Variants in MALRD1 observed in about 807,000 individuals in gnomAD.
MALRD1 encodes MAM and LDL-receptor class A domain-containing protein 1.
MALRD1 carries 247 observed loss-of-function variants against 242.1 expected under a neutral mutation model. The ratio of observed to expected loss-of-function variants is 1.02; its 90% confidence interval spans 0.92 to 1.13. The LOEUF is 1.13. Ranked by LOEUF, MALRD1 falls within the 50% of genes most tolerant of loss-of-function variation. MALRD1 has a pLI of 0.00. For missense variants in MALRD1, 2,989 were observed against 2,533.1 expected (o/e 1.18, Z -3.86); for synonymous variants, 995 against 866.6 (o/e 1.15, Z -2.60).
chr10:19,562,356 G>T (rs1051685107), intron 32 of MALRD1, among the ~76,000 whole-genome samples: 4 of 151,654 alleles, frequency 2.6e-5, no homozygotes, highest in Non-Finnish European at 5.9e-5. Context: ...TAGATAGATA[G>T]ATATCTAGAT....
At chr10:19,396,701 A>C (rs1846597633) in intron 28 of MALRD1, among the ~76,000 whole-genome samples, 1 of 152,148 alleles carries the variant, frequency 6.6e-6, no homozygotes, top group South Asian at 2.1e-4. Flanking sequence ...TGTCCCTCAA[A>C]GTTTTCCAGT....
chr10:19,266,978 T>G (rs1456632848), intron 19 of MALRD1, among the ~76,000 whole-genome samples: 1 of 152,054 alleles, frequency 6.6e-6, no homozygotes, highest in Non-Finnish European at 1.5e-5. Flanking sequence ...AAGGAAGTAT[T>G]TGCTTTTCAT....
intron 28 of MALRD1, among the ~76,000 whole-genome samples, chr10:19,443,902 T>A (rs1272508629): frequency 1.3e-5 from 2 of 152,200 alleles, no homozygotes; most frequent in Non-Finnish European, 2.9e-5. Context: ...CGTGGATCTG[T>A]CTAATGTTGA....
chr10:19,273,661 A>G (rs892246750), intron 19 of MALRD1, among the ~76,000 whole-genome samples: 1 of 152,196 alleles, frequency 6.6e-6, no homozygotes, highest in African/African-American at 2.4e-5. Context: ...TGACAATATG[A>G]CGTTCTGGAA....
chr10:19,409,730 T>A (rs1833193826), intron 28 of MALRD1, among the ~76,000 whole-genome samples: 1 of 152,158 alleles, frequency 6.6e-6, no homozygotes, highest in Non-Finnish European at 1.5e-5. Flanking sequence ...AAACTTCATG[T>A]GAATTCATAG....
At chr10:19,428,919 T>G (rs978692820) in intron 28 of MALRD1, among the ~76,000 whole-genome samples, 2 of 152,176 alleles carry the variant, frequency 1.3e-5, no homozygotes. Flanking sequence ...TGCCATCAAA[T>G]TTGACAAAAA....
intron 5 of MALRD1, among the ~76,000 whole-genome samples, chr10:19,109,574 G>A (rs1836602867): frequency 6.6e-6 from 1 of 152,204 alleles, no homozygotes; most frequent in Non-Finnish European, 1.5e-5. Flanking sequence ...ACTTGAATTT[G>A]AAGACTGGAA....
intron 33 of MALRD1, among the ~76,000 whole-genome samples, chr10:19,582,093 T>A: frequency 6.6e-6 from 1 of 152,044 alleles, no homozygotes; most frequent in Non-Finnish European, 1.5e-5. Flanking sequence ...TGTAAATTTG[T>A]TTGAGTTCAT....
At position 19,235,998 on chromosome 10, in the gene MALRD1, T is replaced by C. The variant is rs948757500; in HGVS notation, c.2992-21686T>C. On this transcript the variant is annotated intron_variant, in intron 18 of 39. Coordinates refer to ENST00000454679, the MANE Select transcript of MALRD1 (RefSeq NM_001142308.3). ...AGAAATATTTAAGATAATAAACATA[T>C]AGAGATAGCTGAAAATGTGGGACTG... Among the ~76,000 whole-genome samples, 12 of 152,116 alleles carry C rather than the reference T, an allele frequency of 7.9e-5. No individual in the cohort carries two copies. The South Asian group carries it at 2.3e-3, about 29-fold the overall frequency.
intron 36 of MALRD1, among the ~76,000 whole-genome samples, chr10:19,633,302 C>T (rs1195339004): frequency 3.3e-5 from 5 of 152,108 alleles, no homozygotes; most frequent in Non-Finnish European, 4.4e-5. Flanking sequence ...GTGAGTTTCA[C>T]GCCCCCTCAT....
chr10:19,291,039 A>T (rs1841397125), intron 21 of MALRD1, among the ~76,000 whole-genome samples: 2 of 152,154 alleles, frequency 1.3e-5, no homozygotes, highest in African/African-American at 4.8e-5. Context: ...CCTTTATTTG[A>T]TCCAATTCAT....
chr10:19,625,238 T>C (rs1274455295), intron 36 of MALRD1, among the ~76,000 whole-genome samples: 2 of 152,108 alleles, frequency 1.3e-5, no homozygotes, highest in African/African-American at 2.4e-5. Flanking sequence ...ATTCTAGAGT[T>C]CCATGATACT....
intron 26 of MALRD1, among the ~76,000 whole-genome samples, chr10:19,365,012 T>C (rs1037575083): frequency 2.4e-4 from 37 of 152,146 alleles, no homozygotes; most frequent in Non-Finnish European, 4.0e-4. Flanking sequence ...CTTTCACAGA[T>C]ACATGAATAG....
At chr10:19,699,386 G>A (rs1255352739) in intron 38 of MALRD1, among the ~76,000 whole-genome samples, 1 of 151,742 alleles carries the variant, frequency 6.6e-6, no homozygotes, top group East Asian at 1.9e-4. Context: ...AGACGTGAAA[G>A]CTGGAGTTTA....
At chr10:19,676,763 C>T (rs1842153888) in intron 36 of MALRD1, among the ~76,000 whole-genome samples, 1 of 152,112 alleles carries the variant, frequency 6.6e-6, no homozygotes, top group African/African-American at 2.4e-5. Flanking sequence ...CTGCACCTAT[C>T]AACCCATCAC....
chr10:19,205,070 G>A lies in MALRD1; in HGVS notation c.2383G>A (p.Val795Ile). The change falls in exon 17 of 40, where the codon GTC becomes ATC. Residue 795 changes from valine (V) to isoleucine (I), a missense_variant. By Grantham distance (29) the Val-to-Ile change is conservative. Transcript: ENST00000454679. The stretch of plus-strand genomic sequence containing the variant: ...GCCCTTCCATTTGTCACTAGATAAA[G>A]TCAGTCTGGGCATTTATGATGGGGT... The part of the protein sequence containing the change: ...SQPFHLSLDK[V>I]SLGIYDGVSA... 6.4e-7 allele frequency: 1 copy of A among 1,550,748 alleles called. No homozygotes were observed. Among genetic ancestry groups the A allele is most frequent in the Non-Finnish European group, 8.7e-7 (1 of 1,147,012 alleles).
At chr10:19,358,519 C>T (rs948615539) in intron 26 of MALRD1, among the ~76,000 whole-genome samples, 1 of 152,106 alleles carries the variant, frequency 6.6e-6, no homozygotes, top group Non-Finnish European at 1.5e-5. Context: ...CTGTTTAGTG[C>T]AAAGTACGTG....
At chr10:19,125,322 C>CTTCT (rs1200202607) in intron 7 of MALRD1, among the ~76,000 whole-genome samples, 680 of 63,606 alleles carry the variant, frequency 0.011, 23 homozygotes, top group Non-Finnish European at 0.016. Flanking sequence ...TCCTTCCTTC[C>CTTCT]TTCTTTCTTT....
At chr10:19,155,326 C>G (rs901076771) in intron 12 of MALRD1, among the ~76,000 whole-genome samples, 154 bp downstream of exon 12, 2 of 152,158 alleles carry the variant, frequency 1.3e-5, no homozygotes, top group African/African-American at 4.8e-5. Flanking sequence ...AATGCTACGT[C>G]CTTCTAGAAT....
Sources: gnomAD v4.1 joint callset for allele counts (sites outside exome capture counted in the v4.1 genomes callset) on GRCh38, gnomAD v4.1.1 for gene constraint, MANE v1.5 for transcripts, NCBI Gene and HGNC (gene_info 2026-07-23, HGNC 2026-07-21) for gene names.